Variants in ELF1 observed in about 807,000 individuals in gnomAD.
ELF1 encodes the protein E74 like ETS transcription factor 1.
ELF1 carries 24 observed loss-of-function variants against 59.9 expected under a neutral mutation model. The ratio of observed to expected loss-of-function variants is 0.40; its 90% CI spans 0.29 to 0.56. The LOEUF (loss-of-function observed/expected upper bound fraction) is 0.56, where lower values mean the gene tolerates loss of function less well. ELF1 is among the 20% of genes least tolerant of loss of function. The pLI, the probability that ELF1 is intolerant of heterozygous loss-of-function variation, is 0.44. For missense variants in ELF1, 627 were observed against 742.2 expected (o/e 0.84, Z 1.80); for synonymous variants, 248 against 266.2 (o/e 0.93, Z 0.67).
intron 3 of ELF1, among the ~76,000 whole-genome samples, chr13:40,952,653 C>A (rs1355938252): frequency 1.3e-5 from 2 of 152,152 alleles, no homozygotes; most frequent in Non-Finnish European, 2.9e-5. Flanking sequence ...TCCTTGGCCT[C>A]CCAAAGTTCT....
chr13:40,947,518 TC>T (rs1400355431), intron 5 of ELF1, among the ~76,000 whole-genome samples: 1 of 152,180 alleles, frequency 6.6e-6, no homozygotes. Context: ...TACAAATTTT[TC>T]TATAAACATA....
In ELF1 at chr13:40,982,912, T is replaced by C. The variant is rs527706125; in HGVS notation, c.-228-630A>G. 8 of 982,822 alleles carry C rather than the reference T, an allele frequency of 8.1e-6. No individual in the cohort carries two copies. The East Asian group carries it at 9.1e-4, about 112-fold the overall frequency. The allele number at this position is 982,822 out of a possible 1,614,324, so 60.9% of individuals were successfully genotyped here. On this transcript the variant is annotated intron_variant, in intron 1 of 8. Transcript: ENST00000239882. ...TTTTTAATGCACTGAAATGTATCCT[T>C]ATCTCTAGTATAGGCTTGCAAGCAA...
At chr13:40,955,128 C>T (rs1871157781) in intron 3 of ELF1, among the ~76,000 whole-genome samples, 1 of 150,620 alleles carries the variant, frequency 6.6e-6, no homozygotes, top group Non-Finnish European at 1.5e-5. Flanking sequence ...GACCCTCTGC[C>T]TGGCAACCGC....
At chr13:40,951,502 C>A in intron 3 of ELF1, 66 bp from the exon 4 acceptor site, 2 of 1,229,392 alleles carry the variant, frequency 1.6e-6, no homozygotes, top group Non-Finnish European at 1.2e-6. Context: ...AAGTCATACA[C>A]CGCTTATCTC....
intron 2 of ELF1, among the ~76,000 whole-genome samples, chr13:40,975,441 C>T (rs926775572): frequency 1.3e-5 from 2 of 152,086 alleles, no homozygotes; most frequent in African/African-American, 4.8e-5. Context: ...CAAAAGCATC[C>T]ACATGCCTAC....
chr13:40,996,804 C>G (rs926282918), intron 1 of ELF1, among the ~76,000 whole-genome samples: 1 of 151,742 alleles, frequency 6.6e-6, no homozygotes, highest in African/African-American at 2.4e-5. Context: ...AACTATAGCT[C>G]CAACACAATC....
In ELF1 at chr13:40,933,340, A is replaced by C; in HGVS notation, c.*85T>G. On this transcript the variant is annotated 3_prime_UTR_variant, in exon 9 of 9. Transcript: ENST00000239882. Reference sequence around the variant, plus strand: ...CAATTACAAAATTAGAAACCTCCTTAGAATTTATCTTAGAATCAGTCAGTC... The same window carrying C: ...CAATTACAAAATTAGAAACCTCCTTCGAATTTATCTTAGAATCAGTCAGTC... 1 of 1,491,620 alleles carries C rather than the reference A, an allele frequency of 6.7e-7. No homozygotes were observed. The highest frequency in any genetic ancestry group is 9.0e-7 in the Non-Finnish European group (1 of 1,114,892). 92.4% of individuals were successfully genotyped at this position (1,491,620 alleles called of 1,614,324 possible).
chr13:40,941,372 T>C lies in ELF1; in HGVS notation c.807-2A>G. On this transcript the variant is annotated splice_acceptor_variant, in intron 7 of 8. Coordinates refer to ENST00000239882, the MANE Select transcript of ELF1 (RefSeq NM_172373.4). LOFTEE classifies it high-confidence loss of function. ...AGAATACCCCTTTGGTAATAGTACC[T>C]ATTCAAAGCAGACAATTTCATCAAT... 6.4e-7 allele frequency: 1 copy of C among 1,555,950 alleles called. No homozygotes were observed. The highest frequency in any genetic ancestry group is 8.7e-7 in the Non-Finnish European group (1 of 1,154,508).
intron 1 of ELF1, among the ~76,000 whole-genome samples, chr13:41,049,048 G>T (rs9315803): frequency 0.32 from 48,430 of 152,052 alleles, 9,871 homozygotes; most frequent in Admixed American, 0.47. Context: ...TTTGGCTTCT[G>T]TGATAACACT....
At chr13:40,983,409 A>G (rs1324248451) in intron 1 of ELF1, among the ~76,000 whole-genome samples, 1 of 152,216 alleles carries the variant, frequency 6.6e-6, no homozygotes, top group Non-Finnish European at 1.5e-5. Context: ...CAGCCAAATC[A>G]CTTAATCGGT....
intron 8 of ELF1, among the ~76,000 whole-genome samples, chr13:40,936,536 A>G (rs2875421): frequency 0.55 from 83,914 of 151,738 alleles, 25,819 homozygotes; most frequent in Non-Finnish European, 0.68. Flanking sequence ...GGTGGATCAC[A>G]AGGTACAGAG....
intron 1 of ELF1, among the ~76,000 whole-genome samples, chr13:41,038,304 G>GC (rs1876467942): frequency 6.6e-6 from 1 of 152,100 alleles, no homozygotes; most frequent in South Asian, 2.1e-4. Context: ...GACAACATGA[G>GC]CCCAGGAGTT....
intron 1 of ELF1, among the ~76,000 whole-genome samples, chr13:41,047,790 T>A (rs1271098361): frequency 6.6e-6 from 1 of 152,176 alleles, no homozygotes; most frequent in Non-Finnish European, 1.5e-5. Flanking sequence ...GGAAAACCAC[T>A]ACTCTCTTCA....
At chr13:40,944,262 C>T (rs1159303989) in intron 5 of ELF1, among the ~76,000 whole-genome samples, 1 of 152,174 alleles carries the variant, frequency 6.6e-6, no homozygotes, top group African/African-American at 2.4e-5. Flanking sequence ...GGAGAATGCT[C>T]TTGACATTGG....
At chr13:40,941,471 C>T (rs958637568) in intron 7 of ELF1, 101 bp from the exon 8 acceptor site, 1 of 1,091,862 alleles carries the variant, frequency 9.2e-7, no homozygotes, top group East Asian at 2.4e-5. Context: ...AAGTTGGAAT[C>T]AAACTAATGA....
intron 1 of ELF1, among the ~76,000 whole-genome samples, chr13:41,032,358 C>T (rs1411290910): frequency 6.6e-6 from 1 of 151,628 alleles, no homozygotes; most frequent in Admixed American, 6.6e-5. Context: ...GCTGGGATTA[C>T]AGGCATGCAC....
intron 1 of ELF1, among the ~76,000 whole-genome samples, chr13:41,016,478 TATA>T (rs1484530106): frequency 6.6e-6 from 1 of 152,162 alleles, no homozygotes; most frequent in African/African-American, 2.4e-5. Flanking sequence ...ATTACTATCT[TATA>T]ATAAGGTCAA....
At chr13:41,004,387 G>C (rs1045739570) in intron 1 of ELF1, among the ~76,000 whole-genome samples, 7 of 151,964 alleles carry the variant, frequency 4.6e-5, no homozygotes, top group African/African-American at 1.7e-4. Context: ...AATAAGCAAA[G>C]GTGACCCTAA....
intron 1 of ELF1, among the ~76,000 whole-genome samples, chr13:40,999,646 T>C (rs984413736): frequency 3.3e-5 from 5 of 152,184 alleles, no homozygotes; most frequent in East Asian, 1.9e-4. Flanking sequence ...GCAACCACCA[T>C]CCAAAAACGA....
Sources: gnomAD v4.1 joint callset for allele counts (sites outside exome capture counted in the v4.1 genomes callset) on GRCh38, gnomAD v4.1.1 for gene constraint, MANE v1.5 for transcripts, NCBI Gene and HGNC (gene_info 2026-07-23, HGNC 2026-07-21) for gene names.